HIPK3: variants seen among roughly 807,000 people sequenced by gnomAD.
HIPK3 encodes homeodomain interacting protein kinase 3, also known as homeodomain-interacting protein kinase 3.
A neutral mutation model predicts 124.2 loss-of-function variants in HIPK3; 47 were observed. The observed-to-expected ratio is 0.38, with a 90% CI of 0.30 to 0.48. The LOEUF is 0.48. Ranked by LOEUF, HIPK3 falls within the 20% of genes least tolerant of loss-of-function variation. The pLI is 0.98. For missense variants in HIPK3, 1,286 were observed against 1,454.3 expected (o/e 0.88, Z 1.88); for synonymous variants, 482 against 515.2 (o/e 0.94, Z 0.87).
At chr11:33,311,407 TG>T (rs1438676833) in intron 2 of HIPK3, among the ~76,000 whole-genome samples, 11 of 152,212 alleles carry the variant, frequency 7.2e-5, no homozygotes, top group Non-Finnish European at 1.5e-4. Flanking sequence ...TCTCAACTGC[TG>T]GGCTCAAGTT....
chr11:33,308,613 G>GGTGTGTGTGT (rs10628141), intron 2 of HIPK3, among the ~76,000 whole-genome samples: 24 of 147,476 alleles, frequency 1.6e-4, no homozygotes, highest in East Asian at 1.6e-3. Context: ...TGTGCCTAGG[G>GGTGTGTGTGT]GTGTGTGTGT....
At chr11:33,266,753 C>T (rs1850975735) in intron 1 of HIPK3, among the ~76,000 whole-genome samples, 1 of 152,042 alleles carries the variant, frequency 6.6e-6, no homozygotes, top group African/African-American at 2.4e-5. Flanking sequence ...TAATTTTTAA[C>T]TTTATTCATT....
intron 1 of HIPK3, among the ~76,000 whole-genome samples, chr11:33,266,259 G>A (rs1418863854): frequency 6.6e-6 from 1 of 151,614 alleles, no homozygotes; most frequent in Non-Finnish European, 1.5e-5. Flanking sequence ...GAAAAACACT[G>A]CTTAAGAAAA....
chr11:33,299,995 C>G lies in HIPK3; in HGVS notation c.1097+12484C>G, dbSNP rs534602338. ...AGAGACTGTGCCACTGCACTCAAGT[C>G]TGGGTGACAGAGTGAGACCCTGTCT... On this transcript the variant is annotated intron_variant, in intron 2 of 16. Transcript: ENST00000303296. 7.1e-4 allele frequency among the ~76,000 whole-genome samples: 94 copies of G among 131,628 alleles called. 2 individuals carry two copies. Among genetic ancestry groups the G allele is most frequent in the Non-Finnish European group, 1.3e-3 (82 of 64,540 alleles). The allele number at this position is 131,628 out of a possible 152,430, so 86.4% of individuals were successfully genotyped here.
At chr11:33,302,900 T>A (rs1852047354) in intron 2 of HIPK3, among the ~76,000 whole-genome samples, 1 of 152,196 alleles carries the variant, frequency 6.6e-6, no homozygotes, top group Admixed American at 6.5e-5. Context: ...AAGACAGTAA[T>A]ACATAGATGT....
At position 33,280,560 on chromosome 11, in the gene HIPK3, C is replaced by G. The variant is rs545670840; in HGVS notation, c.-2-5853C>G. Among the ~76,000 whole-genome samples the G allele has an allele frequency of 4.8e-4, 73 of 152,280 alleles. 1 individual carries two copies. The highest frequency in any genetic ancestry group is 1.2e-3 in the East Asian group (6 of 5,188). On this transcript the variant is annotated intron_variant, in intron 1 of 16. Transcript: ENST00000303296. Reference sequence around the variant, plus strand: ...ACTATAACTTGCATGATATTCCTATCTGTGTTTATTTTCTAAAGTCCCTTT... The same window carrying G: ...ACTATAACTTGCATGATATTCCTATGTGTGTTTATTTTCTAAAGTCCCTTT...
chr11:33,314,297 A>G (rs1426099698), intron 2 of HIPK3, among the ~76,000 whole-genome samples: 3 of 152,144 alleles, frequency 2.0e-5, no homozygotes, highest in Non-Finnish European at 4.4e-5. Context: ...GGGATAATGT[A>G]TCTACCTCAA....
At chr11:33,282,640 G>C (rs1211045190) in intron 1 of HIPK3, among the ~76,000 whole-genome samples, 1 of 151,914 alleles carries the variant, frequency 6.6e-6, no homozygotes, top group Admixed American at 6.6e-5. Context: ...CTGAAATCAC[G>C]CCACTGCACT....
intron 3 of HIPK3, among the ~76,000 whole-genome samples, chr11:33,330,120 A>G (rs1458873036): frequency 6.6e-6 from 1 of 152,226 alleles, no homozygotes; most frequent in Non-Finnish European, 1.5e-5. Flanking sequence ...TAGTAATTTT[A>G]AAGACAAAGC....
At chr11:33,299,721 A>G (rs1851939818) in intron 2 of HIPK3, among the ~76,000 whole-genome samples, 1 of 151,990 alleles carries the variant, frequency 6.6e-6, no homozygotes, top group Admixed American at 6.6e-5. Flanking sequence ...GGCAAACTTT[A>G]CTATAGTCTT....
intron 2 of HIPK3, among the ~76,000 whole-genome samples, chr11:33,296,816 T>A (rs937599959): frequency 1.3e-5 from 2 of 152,166 alleles, no homozygotes; most frequent in Non-Finnish European, 2.9e-5. Flanking sequence ...CACAACAATA[T>A]TGAAAGTAGG....
At chr11:33,341,160 C>CT (rs761842804) in intron 7 of HIPK3, 33 bp downstream of exon 7, 2 of 1,463,912 alleles carry the variant, frequency 1.4e-6, no homozygotes, top group Non-Finnish European at 9.2e-7. Flanking sequence ...AACTTAGGGT[C>CT]TTTTTTTAAT....
intron 1 of HIPK3, among the ~76,000 whole-genome samples, chr11:33,262,572 A>C (rs543294233): frequency 6.6e-6 from 1 of 152,274 alleles, no homozygotes; most frequent in South Asian, 2.1e-4. Flanking sequence ...TATGTATTGT[A>C]TTTTTAGGAC....
intron 1 of HIPK3, among the ~76,000 whole-genome samples, chr11:33,278,862 T>A (rs1025358607): frequency 2.0e-5 from 3 of 151,390 alleles, no homozygotes; most frequent in African/African-American, 7.3e-5. Context: ...AAAAAAAAAA[T>A]GATTTAAGAT....
intron 1 of HIPK3, among the ~76,000 whole-genome samples, chr11:33,284,694 T>C (rs1449188442): frequency 2.0e-5 from 3 of 152,196 alleles, no homozygotes; most frequent in Non-Finnish European, 4.4e-5. Flanking sequence ...GAGAACATAA[T>C]GCAAAGTTCC....
intron 1 of HIPK3, chr11:33,258,245 C>G: frequency 1.0e-6 from 1 of 959,426 alleles, no homozygotes; most frequent in Non-Finnish European, 1.2e-6. Context: ...CGGCTCTTCC[C>G]AGCAACCGAA....
chr11:33,286,091 G>T (rs1338197440), intron 1 of HIPK3, among the ~76,000 whole-genome samples: 1 of 152,066 alleles, frequency 6.6e-6, no homozygotes, highest in African/African-American at 2.4e-5. Context: ...TGTTGGCACC[G>T]TTTCTAGGGC....
At chr11:33,271,626 T>C (rs1851126543) in intron 1 of HIPK3, among the ~76,000 whole-genome samples, 1 of 152,226 alleles carries the variant, frequency 6.6e-6, no homozygotes. Context: ...TTCTAATCAG[T>C]AAACTGTAAC....
chr11:33,349,384 A>G, intron 14 of HIPK3, 97 bp downstream of exon 14: 2 of 953,322 alleles, frequency 2.1e-6, no homozygotes, highest in Non-Finnish European at 3.1e-6. Flanking sequence ...CCAGTTTACC[A>G]CAGTGACTTC....
Sources: gnomAD v4.1 joint callset for allele counts (sites outside exome capture counted in the v4.1 genomes callset) on GRCh38, gnomAD v4.1.1 for gene constraint, MANE v1.5 for transcripts, NCBI Gene and HGNC (gene_info 2026-07-23, HGNC 2026-07-21) for gene names.